The following CCNF variants were observed in gnomAD, a reference collection of about 807,000 sequenced individuals.
CCNF encodes cyclin-F.
A neutral mutation model predicts 85.4 loss-of-function variants in CCNF; 30 were observed. The observed-to-expected ratio is 0.35, with a 90% CI of 0.26 to 0.48. The LOEUF (loss-of-function observed/expected upper bound fraction) is 0.48. CCNF is among the 20% of genes least tolerant of loss of function. The pLI is 0.99. For missense variants in CCNF, 919 were observed against 1,010.4 expected (o/e 0.91, Z 1.23); for synonymous variants, 439 against 425.1 (o/e 1.03, Z -0.40).
Position 2,437,155 on chromosome 16 carries a change from GA to G in CCNF, c.375del (p.Val126Ter). 2 of 1,607,026 alleles carry G rather than the reference GA, an allele frequency of 1.2e-6. No homozygotes were observed. The highest frequency in any genetic ancestry group is 1.7e-6 in the Non-Finnish European group (2 of 1,174,768). ...GLSVSDEARA[E>X]VNGLKASRFF... ...GTCTGTGTCTGATGAGGCCCGCGCAGAAGTGAATGGCCTGAAGGCCTCTCGC... is the reference window on the plus strand; with the variant it reads ...GTCTGTGTCTGATGAGGCCCGCGCAGAGTGAATGGCCTGAAGGCCTCTCGC... On this transcript the variant is annotated frameshift_variant, in exon 5 of 17. Coordinates refer to ENST00000397066, the MANE Select transcript of CCNF (RefSeq NM_001761.3). LOFTEE classifies it high-confidence loss of function.
At chr16:2,435,750 G>T (rs1596916398) in intron 3 of CCNF, 56 bp from the exon 4 acceptor site, 1 of 1,279,696 alleles carries the variant, frequency 7.8e-7, no homozygotes, top group Non-Finnish European at 1.1e-6. Context: ...TGCTGTAGTA[G>T]TTCATAACGT....
rs1490444061 is a variant in CCNF, at chr16:2,451,598, T to A, written c.1488-1612T>A. Among the ~76,000 whole-genome samples, 1 of 152,128 alleles carries A rather than the reference T, an allele frequency of 6.6e-6. No individual in the cohort carries two copies. ...CCTTTTTTGAGTTGGGGGCCCAGGC[T>A]GGAGTGCAGTGGCACCATCCTAGCT... On this transcript the variant is annotated intron_variant, in intron 13 of 16. Coordinates refer to ENST00000397066, the MANE Select transcript of CCNF (RefSeq NM_001761.3). This position sits in a 1 kb window ranked among gnomAD's most constrained non-coding sequence, Gnocchi z 4.3.
intron 8 of CCNF, among the ~76,000 whole-genome samples, chr16:2,442,840 C>T (rs12919823): frequency 4.0e-5 from 3 of 75,558 alleles, no homozygotes; most frequent in East Asian, 7.4e-4. Flanking sequence ...ATATTATATT[C>T]TATTATATAT....
At chr16:2,450,895 C>T (rs1038886868) in intron 13 of CCNF, among the ~76,000 whole-genome samples, 5 of 152,240 alleles carry the variant, frequency 3.3e-5, no homozygotes, top group African/African-American at 9.6e-5. Flanking sequence ...GATGCAGCTG[C>T]TGGGATAGAG....
intron 9 of CCNF, among the ~76,000 whole-genome samples, chr16:2,444,178 C>T (rs2065348459): frequency 6.6e-6 from 1 of 151,980 alleles, no homozygotes; most frequent in African/African-American, 2.4e-5. Context: ...TTTGGCCTCC[C>T]AAAGTGCTGG....
At position 2,454,288 on chromosome 16, in the gene CCNF, C is replaced by T. The variant is rs144142827; in HGVS notation, c.1715+751C>T. Among the ~76,000 whole-genome samples the T allele has an allele frequency of 5.4e-3, 828 of 152,328 alleles. 5 individuals carry two copies. The highest frequency in any genetic ancestry group is 0.018 in the African/African-American group (764 of 41,572). On this transcript the variant is annotated intron_variant, in intron 15 of 16. Transcript: ENST00000397066. The stretch of plus-strand genomic sequence containing the variant: ...CCAAAGCCCCTGCTGCTGCTTCCTC[C>T]CCAAGAAGCGTGACAGCACTTTCCA...
At chr16:2,432,122 A>G (rs1443807382) in intron 2 of CCNF, among the ~76,000 whole-genome samples, 6 of 152,114 alleles carry the variant, frequency 3.9e-5, no homozygotes. Flanking sequence ...GAGCCACTGC[A>G]CCCGGCTGAA....
intron 15 of CCNF, among the ~76,000 whole-genome samples, chr16:2,454,669 G>A (rs2141831617): frequency 6.6e-6 from 1 of 152,322 alleles, no homozygotes; most frequent in Admixed American, 6.5e-5. Flanking sequence ...AGCAAGACTT[G>A]ACCCCAGTTG....
Position 2,457,652 on chromosome 16 carries a change from T to G in CCNF, c.*632T>G, listed in dbSNP as rs916722375. 2.6e-5 allele frequency: 4 copies of G among 152,302 alleles called. No homozygotes were observed. Among genetic ancestry groups the G allele is most frequent in the African/African-American group, 9.6e-5 (4 of 41,466 alleles). 9.4% of individuals were successfully genotyped at this position (152,302 alleles called of 1,614,324 possible). ...TTTTAGAGCTCTGTCCCAGAGGCGT[T>G]CGTATGTGACCCACAGATGGCGTCA... On this transcript the variant is annotated 3_prime_UTR_variant, in exon 17 of 17. Coordinates refer to ENST00000397066, the MANE Select transcript of CCNF (RefSeq NM_001761.3).
At chr16:2,437,991 C>T (rs1596917883) in intron 5 of CCNF, 79 bp from the exon 6 acceptor site, 4 of 962,268 alleles carry the variant, frequency 4.2e-6, no homozygotes, top group Admixed American at 3.4e-5. Flanking sequence ...GGCATGGGAC[C>T]CAAAGACAGA....
chr16:2,443,226 A>C (rs1045573647), intron 8 of CCNF, among the ~76,000 whole-genome samples: 7 of 145,754 alleles, frequency 4.8e-5, no homozygotes, highest in Admixed American at 4.4e-4. Context: ...CTAGCTGGTA[A>C]CTTCTGAAAA....
chr16:2,441,016 G>A (rs931580880), intron 8 of CCNF, among the ~76,000 whole-genome samples: 10 of 150,232 alleles, frequency 6.7e-5, no homozygotes, highest in Admixed American at 6.6e-5. Flanking sequence ...GGCGGATCAC[G>A]AGGTCAAGAG....
chr16:2,434,980 C>T (rs570032862), intron 3 of CCNF, among the ~76,000 whole-genome samples: 125 of 152,156 alleles, frequency 8.2e-4, no homozygotes, highest in African/African-American at 3.0e-3. Context: ...TTCGACCGAG[C>T]GTGGTGGCTC....
At chr16:2,435,717 A>C in intron 3 of CCNF, 89 bp from the exon 4 acceptor site, 4 of 683,852 alleles carry the variant, frequency 5.8e-6, no homozygotes, top group Non-Finnish European at 5.2e-6. Context: ...AATTCAGGGA[A>C]CAAGTATTCT....
chr16:2,441,293 G>A (rs2065319896), intron 8 of CCNF, among the ~76,000 whole-genome samples: 1 of 152,138 alleles, frequency 6.6e-6, no homozygotes, highest in African/African-American at 2.4e-5. Flanking sequence ...CTACTCAGGA[G>A]GCTGAGGCAG....
chr16:2,450,411 T>C (rs2065388155), intron 13 of CCNF, among the ~76,000 whole-genome samples: 1 of 148,112 alleles, frequency 6.8e-6, no homozygotes, highest in Non-Finnish European at 1.5e-5. Context: ...CTCAGGAGGC[T>C]GAGACAGGAG....
rs1025547205 is a variant in CCNF at position 2,455,463 on chromosome 16, G to T, written c.1784G>T (p.Ser595Ile). Residue 595 changes from serine to isoleucine, a missense_variant, in exon 16 of 17, where the codon AGC (serine) becomes ATC (isoleucine). Coordinates refer to ENST00000397066, the MANE Select transcript of CCNF (RefSeq NM_001761.3). ...FVTTPTAELS[S>I]QEETLLGSFL... ...ACCACCCCCACTGCGGAGCTGTCCAGCCAGGAGGAGACGCTGCTGGGCAGC... is the reference window on the plus strand; with the variant it reads ...ACCACCCCCACTGCGGAGCTGTCCATCCAGGAGGAGACGCTGCTGGGCAGC... 1 of 1,604,124 alleles carries T rather than the reference G, an allele frequency of 6.2e-7. No homozygotes were observed. Among genetic ancestry groups the T allele is most frequent in the African/African-American group, 1.3e-5 (1 of 74,768 alleles).
chr16:2,455,261 T>C (rs74622580), intron 15 of CCNF, 134 bp from the exon 16 acceptor site: 1 of 1,211,118 alleles, frequency 8.3e-7, no homozygotes, highest in Non-Finnish European at 1.1e-6. Flanking sequence ...CACCGGCATC[T>C]TCTTCGTAGC....
Position 2,456,972 on chromosome 16 carries a change from C to A in CCNF, c.2313C>A (p.Cys771Ter). The stretch of plus-strand genomic sequence containing the variant: ...AACAGGTGAAGCGGATAAACCTATG[C>A]ATACACAGTGAGGAGGAGGACATGA... ...PQQQVKRINL[C>*]IHSEEEDMNL... is the part of the protein sequence containing the mutation. Residue 771 changes from cysteine to a stop codon, truncating the protein, a stop_gained, in exon 17 of 17, where the codon TGC becomes TGA. Coordinates refer to ENST00000397066, the MANE Select transcript of CCNF (RefSeq NM_001761.3). LOFTEE classifies it low-confidence loss of function (END_TRUNC). The surrounding 1 kb of genome is among the most constrained non-coding windows in gnomAD (Gnocchi z 4.5). The A allele has an allele frequency of 6.2e-7, 1 of 1,608,690 alleles. No homozygotes were observed. Among genetic ancestry groups the A allele is most frequent in the Non-Finnish European group, 8.5e-7 (1 of 1,177,208 alleles).
Sources: allele counts gnomAD v4.1 joint callset (sites outside exome capture counted in the v4.1 genomes callset), GRCh38; gene constraint gnomAD v4.1.1; non-coding constraint Gnocchi (gnomAD v3.1); transcripts MANE v1.5; gene names NCBI Gene and HGNC (gene_info 2026-07-23, HGNC 2026-07-21).